Variants in MAN1B1 observed in about 807,000 individuals in gnomAD.
MAN1B1 encodes the protein endoplasmic reticulum mannosyl-oligosaccharide 1,2-alpha-mannosidase.
A neutral mutation model predicts 75.5 loss-of-function variants in MAN1B1; 66 were observed. The ratio of observed to expected loss-of-function variants is 0.87; its 90% CI spans 0.72 to 1.07. The LOEUF (loss-of-function observed/expected upper bound fraction) is 1.07. MAN1B1 is among the 50% of genes least tolerant of loss of function. The pLI, the probability that MAN1B1 is intolerant of heterozygous loss-of-function variation, is 0.00. For synonymous variants in MAN1B1, 453 were observed against 382.8 expected (o/e 1.18, Z -2.14); for missense variants, 973 against 912.5 (o/e 1.07, Z -0.85).
chr9:137,103,822 C>T (rs1046046603), intron 8 of MAN1B1: 13 of 446,360 alleles, frequency 2.9e-5, no homozygotes, highest in Admixed American at 1.7e-4. Context: ...CTGTTGCAGG[C>T]TTGCAGGTCG....
Position 137,101,277 on chromosome 9 carries a change from T to C in MAN1B1, c.1065+124T>C. ...CTCTTCAAATGCACTGGAGTCTGTT[T>C]CTGAGCTCATATTCGTGAGCTGATG... On this transcript the variant is annotated intron_variant, in intron 7 of 12. Transcript: ENST00000371589. 2.2e-6 allele frequency: 3 copies of C among 1,341,888 alleles called. No homozygotes were observed. The South Asian group carries it at 3.6e-5, about 16-fold the overall frequency. The allele number at this position is 1,341,888 out of a possible 1,614,324, so 83.1% of individuals were successfully genotyped here.
At chr9:137,093,703 A>G (rs1009002851) in intron 3 of MAN1B1, among the ~76,000 whole-genome samples, 7 of 151,842 alleles carry the variant, frequency 4.6e-5, no homozygotes, top group Non-Finnish European at 8.8e-5. Context: ...GCGTGGTGGC[A>G]GGCACCTATA....
At chr9:137,106,426 CTG>C (rs1292617786) in intron 9 of MAN1B1, 111 bp downstream of exon 9, 2 of 1,126,572 alleles carry the variant, frequency 1.8e-6, no homozygotes, top group Non-Finnish European at 2.5e-6. Context: ...CCCCGCCACA[CTG>C]TGTGTCAGGA....
chr9:137,109,055 G>A lies in MAN1B1; in HGVS notation c.*464G>A. 1 of 457,068 alleles carries A rather than the reference G, an allele frequency of 2.2e-6. No individual in the cohort carries two copies. The highest frequency in any genetic ancestry group is 6.9e-5 in the East Asian group (1 of 14,452). The allele number at this position is 457,068 out of a possible 1,614,324, so 28.3% of individuals were successfully genotyped here. A position where few individuals can be genotyped will look rare whatever the true frequency, so the allele number is the denominator to read the frequency against. On this transcript the variant is annotated 3_prime_UTR_variant, in exon 13 of 13. Coordinates refer to ENST00000371589, the MANE Select transcript of MAN1B1 (RefSeq NM_016219.5). ...CCAGGGCTGGCTCTGGTGTTTACAAGCTGGACTCAGGGATCCTCCTGGCCG... is the reference window on the plus strand; with the variant it reads ...CCAGGGCTGGCTCTGGTGTTTACAAACTGGACTCAGGGATCCTCCTGGCCG...
Position 137,106,160 on chromosome 9 carries a change from C to G in MAN1B1, c.1290C>G (p.Gly430=). The change falls in exon 9 of 13, where the codon GGC becomes GGG. Residue 430 remains glycine (G), a synonymous_variant. Transcript: ENST00000371589. ...AGAAGGTGACACAGCACATCCACGG[C>G]CTGTCTGGGAAGAAGGATGGGCTGG... ...AVEKVTQHIH[G]LSGKKDGLVP... is the part of the protein sequence containing the mutation. The G allele has an allele frequency of 6.2e-7, 1 of 1,613,022 alleles. No homozygotes were observed. The highest frequency in any genetic ancestry group is 8.5e-7 in the Non-Finnish European group (1 of 1,179,934).
At chr9:137,093,750 C>T (rs530394753) in intron 3 of MAN1B1, among the ~76,000 whole-genome samples, 3 of 151,780 alleles carry the variant, frequency 2.0e-5, no homozygotes, top group East Asian at 4.0e-4. Context: ...AGGAGAATGG[C>T]GTGAACCTGG....
In MAN1B1 at chr9:137,099,693, T is replaced by C; in HGVS notation, c.731-3T>C. On this transcript the variant is annotated splice_polypyrimidine_tract_variant and splice_region_variant and intron_variant, in intron 5 of 12. Coordinates refer to ENST00000371589, the MANE Select transcript of MAN1B1 (RefSeq NM_016219.5). ...ATGGCCTGTGCTCTCTCCCCCCTAC[T>C]AGTGCATCTGAACTATCGCCAGAAG... The C allele has an allele frequency of 2.5e-6, 4 of 1,614,128 alleles. No individual in the cohort carries two copies. Among genetic ancestry groups the C allele is most frequent in the Non-Finnish European group, 3.4e-6 (4 of 1,180,006 alleles).
At chr9:137,087,493 G>T (rs1326444184) in intron 1 of MAN1B1, 3 of 654,202 alleles carry the variant, frequency 4.6e-6, no homozygotes, top group Non-Finnish European at 8.4e-6. Context: ...TCGCTTTTCT[G>T]CAAGGTCCTG....
chr9:137,098,537 C>G (rs1361616199), intron 5 of MAN1B1, among the ~76,000 whole-genome samples: 1 of 152,164 alleles, frequency 6.6e-6, no homozygotes, highest in Non-Finnish European at 1.5e-5. Context: ...GGAGGGAGCC[C>G]AGAGCCAGGA....
chr9:137,096,855 C>T (rs1016375994), intron 4 of MAN1B1, among the ~76,000 whole-genome samples: 14 of 152,220 alleles, frequency 9.2e-5, no homozygotes, highest in African/African-American at 2.9e-4. Flanking sequence ...GCGTCTCTGC[C>T]TCGTTTCCGG....
chr9:137,095,246 T>C (rs778039399), intron 3 of MAN1B1, among the ~76,000 whole-genome samples: 3 of 151,706 alleles, frequency 2.0e-5, no homozygotes, highest in Non-Finnish European at 4.4e-5. Flanking sequence ...GTAGAGATGG[T>C]GTTTCACCAT....
Position 137,109,065 on chromosome 9 carries a change from G to C in MAN1B1, c.*474G>C, listed in dbSNP as rs1004462451. 8.8e-6 allele frequency: 4 copies of C among 455,672 alleles called. No individual in the cohort carries two copies. Among genetic ancestry groups the C allele is most frequent in the Middle Eastern group, 8.0e-4 (2 of 2,494 alleles). 28.2% of individuals were successfully genotyped at this position (455,672 alleles called of 1,614,324 possible). The stretch of plus-strand genomic sequence containing the variant: ...CTCTGGTGTTTACAAGCTGGACTCA[G>C]GGATCCTCCTGGCCGCCCCGCAGGG... On this transcript the variant is annotated 3_prime_UTR_variant, in exon 13 of 13. Transcript: ENST00000371589.
intron 3 of MAN1B1, among the ~76,000 whole-genome samples, chr9:137,095,725 G>C (rs1471457176): frequency 6.6e-6 from 1 of 152,214 alleles, no homozygotes; most frequent in Non-Finnish European, 1.5e-5. Flanking sequence ...GCAGAGGACG[G>C]GGCTCTGTGC....
rs890807025 is a variant in MAN1B1 at position 137,087,287 on chromosome 9, C to T, written c.219+69C>T. ...CCGCCGCCCTCCCAGACTGCGGCTCCGAGCGGGACCTGGGCGGGCGGACTC... is the reference window on the plus strand; with the variant it reads ...CCGCCGCCCTCCCAGACTGCGGCTCTGAGCGGGACCTGGGCGGGCGGACTC... On this transcript the variant is annotated intron_variant, in intron 1 of 12. Transcript: ENST00000371589. 8.6e-6 allele frequency: 13 copies of T among 1,506,346 alleles called. No homozygotes were observed. The African/African-American group carries it at 1.4e-4, about 16-fold the overall frequency. The allele number at this position is 1,506,346 out of a possible 1,614,324, so 93.3% of individuals were successfully genotyped here. A position where few individuals can be genotyped will look rare whatever the true frequency, so the allele number is the denominator to read the frequency against.
chr9:137,087,347 C>T (rs1266458515), intron 1 of MAN1B1, 129 bp downstream of exon 1: 4 of 1,100,338 alleles, frequency 3.6e-6, no homozygotes, highest in Non-Finnish European at 3.9e-6. Flanking sequence ...ACCCCTTCCC[C>T]GCAAAAAGGG....
intron 3 of MAN1B1, among the ~76,000 whole-genome samples, chr9:137,090,827 A>G (rs1235638578): frequency 6.6e-6 from 1 of 152,146 alleles, no homozygotes; most frequent in Non-Finnish European, 1.5e-5. Flanking sequence ...ATGAGCCACC[A>G]TGCCCGGCCC....
In MAN1B1 at chr9:137,103,084, C is replaced by T. The variant is rs554410502; in HGVS notation, c.1254+1412C>T. The T allele has an allele frequency of 4.2e-3, 1,851 of 445,014 alleles. 34 individuals are homozygous for T. The highest frequency in any genetic ancestry group is 0.035 in the African/African-American group (1,632 of 46,362). 27.6% of individuals were successfully genotyped at this position (445,014 alleles called of 1,614,324 possible). A position where few individuals can be genotyped will look rare whatever the true frequency, so the allele number is the denominator to read the frequency against. The stretch of plus-strand genomic sequence containing the variant: ...TTGGTGTTACACACATTCACACTTG[C>T]AGGCGTGCAGGTCGGTGGTGTTACA... On this transcript the variant is annotated intron_variant, in intron 8 of 12. Coordinates refer to ENST00000371589, the MANE Select transcript of MAN1B1 (RefSeq NM_016219.5).
chr9:137,093,439 G>A (rs1206695029), intron 3 of MAN1B1, among the ~76,000 whole-genome samples: 4 of 152,156 alleles, frequency 2.6e-5, no homozygotes, highest in Admixed American at 6.5e-5. Flanking sequence ...CACCAAGTCC[G>A]TAGGAGTAAT....
intron 9 of MAN1B1, 99 bp from the exon 10 acceptor site, chr9:137,106,590 C>G: frequency 6.3e-7 from 1 of 1,580,346 alleles, no homozygotes; most frequent in East Asian, 2.2e-5. Context: ...AGGGCCAGGC[C>G]TGCTGTACTT....
Sources: allele counts gnomAD v4.1 joint callset (sites outside exome capture counted in the v4.1 genomes callset), GRCh38; gene constraint gnomAD v4.1.1; transcripts MANE v1.5; gene names NCBI Gene and HGNC (gene_info 2026-07-23, HGNC 2026-07-21).